Variants in MGA observed in about 807,000 individuals in gnomAD.
MGA encodes the protein MAX gene-associated protein.
MGA carries 40 observed loss-of-function variants against 261.1 expected under a neutral mutation model. That is an observed-to-expected ratio of 0.15 (90% CI 0.12 to 0.20). The LOEUF is 0.20. Ranked by LOEUF, MGA falls within the 10% of genes least tolerant of loss-of-function variation. The pLI is 1.00. For missense variants in MGA, 3,397 were observed against 3,630.5 expected (o/e 0.94, Z 1.65); for synonymous variants, 1,302 against 1,290.6 (o/e 1.01, Z -0.19).
In MGA at chr15:41,714,693, A is replaced by G. The variant is rs1437888380; in HGVS notation, c.3430+1197A>G. Among the ~76,000 whole-genome samples the G allele has an allele frequency of 2.6e-5, 4 of 152,142 alleles. No homozygotes were observed. The East Asian group carries it at 7.7e-4, about 29-fold the overall frequency. On this transcript the variant is annotated intron_variant, in intron 9 of 23. Coordinates refer to ENST00000219905, the MANE Select transcript of MGA (RefSeq NM_001164273.2). ...ATTTTAGTAGAGACGGGGTTTCACC[A>G]TGTTGCGTAGGCTGGTCTTGAACTC...
chr15:41,715,502 T>C (rs946547902), intron 9 of MGA, among the ~76,000 whole-genome samples: 2 of 152,152 alleles, frequency 1.3e-5, no homozygotes, highest in Admixed American at 1.3e-4. Context: ...TCTAGTACTT[T>C]TTTGGACTTA....
intron 1 of MGA, among the ~76,000 whole-genome samples, chr15:41,654,392 A>G (rs2057125086): frequency 6.6e-6 from 1 of 152,214 alleles, no homozygotes. Flanking sequence ...AAAAAATCAT[A>G]GTAATAATAG....
intron 18 of MGA, among the ~76,000 whole-genome samples, chr15:41,757,123 A>AT (rs1285379381): frequency 1.3e-5 from 2 of 152,206 alleles, no homozygotes; most frequent in Admixed American, 6.5e-5. Flanking sequence ...GAGATGTATT[A>AT]TTTCTCAAGC....
intron 13 of MGA, among the ~76,000 whole-genome samples, chr15:41,739,453 A>ATAT (rs1461177686): frequency 3.9e-5 from 6 of 152,234 alleles, no homozygotes; most frequent in African/African-American, 1.4e-4. Context: ...TATTTTTCAA[A>ATAT]TATGAAGGAT....
intron 9 of MGA, among the ~76,000 whole-genome samples, chr15:41,716,254 T>A (rs905361450): frequency 6.6e-6 from 1 of 151,636 alleles, no homozygotes; most frequent in South Asian, 2.1e-4. Context: ...GAGACTGTCC[T>A]GGCTAACACG....
At chr15:41,622,395 C>G (rs1012531891) in intron 1 of MGA, among the ~76,000 whole-genome samples, 1 of 151,990 alleles carries the variant, frequency 6.6e-6, no homozygotes, top group African/African-American at 2.4e-5. Context: ...ACAACCGCCA[C>G]CCCGCCAAAA....
At chr15:41,745,729 C>T (rs1179206281) in intron 15 of MGA, among the ~76,000 whole-genome samples, 3 of 152,014 alleles carry the variant, frequency 2.0e-5, no homozygotes, top group South Asian at 4.2e-4. Flanking sequence ...TTCAGTCTCC[C>T]GAGTAGCTGG....
Position 41,727,360 on chromosome 15 carries a change from C to G in MGA, c.3611C>G (p.Thr1204Ser). The stretch of plus-strand genomic sequence containing the variant: ...CCTACTGTGAAGGGCAAACTGCTCA[C>G]TGGAATTAAATCTCCACGGTCATAT... The change falls in exon 10 of 24, where the codon ACT (threonine) becomes AGT (serine). Residue 1204 changes from threonine to serine, a missense_variant. This residue lies in a region of MGA where 519 missense variants were observed against 554.1 expected (regional missense o/e 0.94). Coordinates refer to ENST00000219905, the MANE Select transcript of MGA (RefSeq NM_001164273.2). 1 of 1,613,972 alleles carries G rather than the reference C, an allele frequency of 6.2e-7. No individual in the cohort carries two copies. Among genetic ancestry groups the G allele is most frequent in the South Asian group, 1.1e-5 (1 of 91,084 alleles).
chr15:41,665,376 A>C (rs1456848009), intron 1 of MGA, among the ~76,000 whole-genome samples: 1 of 151,346 alleles, frequency 6.6e-6, no homozygotes, highest in Admixed American at 6.6e-5. Context: ...GATTTTAGCA[A>C]TCAGATTTCG....
chr15:41,742,440 G>T (rs2062168726), intron 14 of MGA, 106 bp from the exon 15 acceptor site: 1 of 1,332,068 alleles, frequency 7.5e-7, no homozygotes, highest in Non-Finnish European at 1.0e-6. Context: ...GGTAGTACCT[G>T]TAAGAAATTG....
Position 41,748,780 on chromosome 15 carries a change from C to T in MGA, c.5356C>T (p.Arg1786Trp), listed in dbSNP as rs755286142. ...CTCAAACACACAACTTCAGGGACAT[C>T]GGATGGTCTTGCAGCCTGTTAGGAG... Residue 1786 changes from arginine (R) to tryptophan (W), a missense_variant, in exon 16 of 24, where the codon CGG becomes TGG. This residue lies in a region of MGA where 1,410 missense variants were observed against 1,386.4 expected (regional missense o/e 1.02). Transcript: ENST00000219905. 13 of 1,613,904 alleles carry T rather than the reference C, an allele frequency of 8.1e-6. No individual in the cohort carries two copies. The highest frequency in any genetic ancestry group is 1.1e-5 in the Non-Finnish European group (13 of 1,179,874).
rs34069193 is a variant in MGA, at chr15:41,762,461, G to GTTTTTTTTTTTTTTTTTTTTTTTTTTTTT, written c.7744+101_7744+129dup. On this transcript the variant is annotated intron_variant, in intron 22 of 23. Coordinates refer to ENST00000219905, the MANE Select transcript of MGA (RefSeq NM_001164273.2). The stretch of plus-strand genomic sequence containing the variant: ...TTGTCCACATTTTTAGTTTTGTGTG[G>GTTTTTTTTTTTTTTTTTTTTTTTTTTTTT]TTTTTTTTTTTTTTTTTTTTTTTTT... The GTTTTTTTTTTTTTTTTTTTTTTTTTTTTT allele has an allele frequency of 7.9e-5, 11 of 138,444 alleles. 2 individuals carry two copies. The highest frequency in any genetic ancestry group is 7.3e-4 in the East Asian group (2 of 2,744). 8.6% of individuals were successfully genotyped at this position (138,444 alleles called of 1,614,324 possible). A position where few individuals can be genotyped will look rare whatever the true frequency, so the allele number is the denominator to read the frequency against.
At position 41,742,843 on chromosome 15, in the gene MGA, A is replaced by G; in HGVS notation, c.4883A>G (p.Tyr1628Cys). The change falls in exon 15 of 24, where the codon TAT becomes TGT. Residue 1628 changes from tyrosine to cysteine, a missense_variant. Physicochemically the swap from Tyr to Cys is radical, Grantham distance 194. Coordinates refer to ENST00000219905, the MANE Select transcript of MGA (RefSeq NM_001164273.2). ...GACGTGGAAACTAAAGAAACTACTTATTCTTCTGGTGCCACCACTACAGGG... is the reference window on the plus strand; with the variant it reads ...GACGTGGAAACTAAAGAAACTACTTGTTCTTCTGGTGCCACCACTACAGGG... 5 of 1,613,952 alleles carry G rather than the reference A, an allele frequency of 3.1e-6. No individual in the cohort carries two copies. The highest frequency in any genetic ancestry group is 4.2e-6 in the Non-Finnish European group (5 of 1,179,876).
At chr15:41,754,601 G>A (rs757523423) in intron 18 of MGA, 34 bp downstream of exon 18, 2 of 1,509,032 alleles carry the variant, frequency 1.3e-6, no homozygotes, top group South Asian at 1.3e-5. Context: ...TGTTGTTTTT[G>A]TAGTTTTGTA....
In MGA at chr15:41,748,657, G is replaced by C; in HGVS notation, c.5233G>C (p.Val1745Leu). 1 of 1,611,436 alleles carries C rather than the reference G, an allele frequency of 6.2e-7. No homozygotes were observed. Among genetic ancestry groups the C allele is most frequent in the Non-Finnish European group, 8.5e-7 (1 of 1,178,256 alleles). Residue 1745 changes from valine to leucine, a missense_variant, in exon 16 of 24, where the codon GTG becomes CTG. This residue lies in a region of MGA where 1,410 missense variants were observed against 1,386.4 expected (regional missense o/e 1.02). Coordinates refer to ENST00000219905, the MANE Select transcript of MGA (RefSeq NM_001164273.2). ...TTCAGAAAATGCTGCTCAAATTCCA[G>C]TGGCTACTCCACAGGTCTCTCCTAA...
intron 2 of MGA, among the ~76,000 whole-genome samples, chr15:41,679,651 T>C (rs1017046836): frequency 6.6e-6 from 1 of 152,178 alleles, no homozygotes; most frequent in Non-Finnish European, 1.5e-5. Context: ...TTGATTTTTG[T>C]GTGTTGAGTT....
intron 9 of MGA, among the ~76,000 whole-genome samples, chr15:41,720,661 G>A (rs2060889965): frequency 6.6e-6 from 1 of 151,904 alleles, no homozygotes. Context: ...GCGAAACCCC[G>A]TCTCTACTAA....
chr15:41,751,744 A>T (rs1409167396), intron 17 of MGA: 1 of 152,024 alleles, frequency 6.6e-6, no homozygotes, highest in Admixed American at 6.6e-5. Context: ...AAAAAAAAGA[A>T]GTTGTTAGTG....
chr15:41,713,077 A>G, intron 8 of MGA, 74 bp from the exon 9 acceptor site: 1 of 1,551,346 alleles, frequency 6.4e-7, no homozygotes, highest in Admixed American at 1.8e-5. Context: ...AATGCAGTCC[A>G]GTATATGACC....
Sources: gnomAD v4.1 joint callset for allele counts (sites outside exome capture counted in the v4.1 genomes callset) on GRCh38, gnomAD v4.1.1 for gene constraint, gnomAD v4.1.1 regional missense constraint, MANE v1.5 for transcripts, NCBI Gene and HGNC (gene_info 2026-07-23, HGNC 2026-07-21) for gene names.